The following SCMH1 variants were observed in gnomAD, a reference collection of about 807,000 sequenced individuals.
The protein encoded by SCMH1 is polycomb protein SCMH1.
In SCMH1, 37 loss-of-function variants were observed where a neutral mutation model predicts 70.8. The ratio of observed to expected loss-of-function variants is 0.52; its 90% CI spans 0.40 to 0.69. The LOEUF (loss-of-function observed/expected upper bound fraction) is 0.69, where lower values mean the gene tolerates loss of function less well. Among genes scored for constraint, SCMH1 ranks in the 30% least tolerant of loss-of-function variants. The pLI is 0.00. For synonymous variants in SCMH1, 292 were observed against 307.4 expected (o/e 0.95, Z 0.52); for missense variants, 607 against 827.3 (o/e 0.73, Z 3.27).
chr1:41,127,941 A>G (rs1673643204), intron 6 of SCMH1, among the ~76,000 whole-genome samples: 2 of 152,166 alleles, frequency 1.3e-5, no homozygotes, highest in Non-Finnish European at 2.9e-5. Context: ...ACTGTGAGAA[A>G]AAAAAATCCT....
At chr1:41,096,385 A>G (rs773823103) in intron 8 of SCMH1, among the ~76,000 whole-genome samples, 3 of 152,226 alleles carry the variant, frequency 2.0e-5, no homozygotes, top group Non-Finnish European at 4.4e-5. Flanking sequence ...AAGTTACTTC[A>G]TTTCTCTGCA....
chr1:41,068,562 T>A (rs1655448480), intron 10 of SCMH1, among the ~76,000 whole-genome samples: 1 of 152,084 alleles, frequency 6.6e-6, no homozygotes, highest in African/African-American at 2.4e-5. Context: ...TGTGCCACCA[T>A]GCCTGGCTAA....
At chr1:41,173,517 T>C (rs1037933728) in intron 2 of SCMH1, among the ~76,000 whole-genome samples, 1 of 152,142 alleles carries the variant, frequency 6.6e-6, no homozygotes, top group South Asian at 2.1e-4. Flanking sequence ...GTTGGTGGTA[T>C]TGTAAATTAG....
intron 6 of SCMH1, among the ~76,000 whole-genome samples, chr1:41,117,741 C>T (rs534777144): frequency 4.6e-5 from 7 of 152,248 alleles, no homozygotes; most frequent in South Asian, 2.1e-4. Context: ...GAAATAATGG[C>T]GTAAGCTGTC....
At chr1:41,191,983 C>A (rs16827976) in intron 1 of SCMH1, among the ~76,000 whole-genome samples, 11,872 of 152,084 alleles carry the variant, frequency 0.078, 598 homozygotes, top group South Asian at 0.13. Context: ...TTGGATATAC[C>A]AGCTCTTCAA....
intron 8 of SCMH1, among the ~76,000 whole-genome samples, chr1:41,086,797 C>T (rs1424655466): frequency 6.6e-6 from 1 of 151,650 alleles, no homozygotes; most frequent in Non-Finnish European, 1.5e-5. Flanking sequence ...TGTAGTACCA[C>T]CTGCTTGGGA....
At chr1:41,043,293 C>G (rs954955734) in intron 12 of SCMH1, 1 of 152,068 alleles carries the variant, frequency 6.6e-6, no homozygotes, top group African/African-American at 2.4e-5. Flanking sequence ...AGGATTTCAC[C>G]ATGTTGGCCC....
intron 1 of SCMH1, among the ~76,000 whole-genome samples, chr1:41,220,490 C>T (rs148620941): frequency 1.3e-5 from 2 of 152,310 alleles, no homozygotes; most frequent in East Asian, 3.9e-4. Context: ...TTTTTAATGT[C>T]TCATCTCTAA....
chr1:41,050,598 G>A (rs950380185), intron 10 of SCMH1, among the ~76,000 whole-genome samples: 1 of 152,146 alleles, frequency 6.6e-6, no homozygotes, highest in Non-Finnish European at 1.5e-5. Context: ...GAAGAAAAGG[G>A]TAAACAAGAT....
chr1:41,154,657 G>A (rs899117884), intron 4 of SCMH1, among the ~76,000 whole-genome samples: 3 of 152,138 alleles, frequency 2.0e-5, no homozygotes, highest in African/African-American at 7.2e-5. Flanking sequence ...GGTAGTACAG[G>A]TTGTCTTGAG....
At chr1:41,101,451 C>T (rs1666630707) in intron 8 of SCMH1, among the ~76,000 whole-genome samples, 1 of 152,206 alleles carries the variant, frequency 6.6e-6, no homozygotes, top group African/African-American at 2.4e-5. Context: ...ATAACTGATT[C>T]TTAACCAATG....
chr1:41,171,112 C>T (rs1311293921), intron 2 of SCMH1, among the ~76,000 whole-genome samples: 2 of 152,198 alleles, frequency 1.3e-5, no homozygotes, highest in Admixed American at 6.5e-5. Flanking sequence ...GCCAATCTGG[C>T]GATGGCCACT....
At chr1:41,075,419 C>T (rs372548251) in exon 9 of SCMH1, 8 of 1,613,862 alleles carry the variant, frequency 5.0e-6, no homozygotes, top group South Asian at 2.2e-5. Flanking sequence ...GTATTCACAT[C>T]GGAGGCAGGA....
chr1:41,224,354 C>G (rs191837881), intron 1 of SCMH1, among the ~76,000 whole-genome samples: 1 of 152,166 alleles, frequency 6.6e-6, no homozygotes, highest in East Asian at 1.9e-4. Context: ...ATGGTGAGTG[C>G]TAAATACTGA....
intron 8 of SCMH1, among the ~76,000 whole-genome samples, chr1:41,088,033 C>T (rs1662267748): frequency 6.6e-6 from 1 of 151,150 alleles, no homozygotes; most frequent in Admixed American, 6.6e-5. Flanking sequence ...ATTGTATACA[C>T]ACACACATAC....
At chr1:41,144,889 T>C (rs1286436298) in intron 5 of SCMH1, among the ~76,000 whole-genome samples, 1 of 152,212 alleles carries the variant, frequency 6.6e-6, no homozygotes, top group Non-Finnish European at 1.5e-5. Context: ...CATTTGTATA[T>C]ATTTGGAGAA....
At chr1:41,177,840 C>G (rs907395450) in intron 2 of SCMH1, among the ~76,000 whole-genome samples, 18 of 152,142 alleles carry the variant, frequency 1.2e-4, no homozygotes, top group African/African-American at 4.1e-4. Context: ...GGAGAACTTC[C>G]CCAATTAGCA....
chr1:41,105,018 C>T (rs1208130712), intron 8 of SCMH1, among the ~76,000 whole-genome samples: 3 of 151,964 alleles, frequency 2.0e-5, no homozygotes, highest in African/African-American at 7.2e-5. Flanking sequence ...TGCAGTGGCA[C>T]AATCTCGGCT....
chr1:41,084,432 ATC>A (rs1660969011), intron 8 of SCMH1, among the ~76,000 whole-genome samples: 1 of 152,216 alleles, frequency 6.6e-6, no homozygotes. Context: ...ATGAGATACC[ATC>A]TCACACCAGT....
Sources: gnomAD v4.1 joint callset for allele counts (sites outside exome capture counted in the v4.1 genomes callset) on GRCh38, gnomAD v4.1.1 for gene constraint, MANE v1.5 for transcripts, NCBI Gene and HGNC (gene_info 2026-07-23, HGNC 2026-07-21) for gene names.